Variants in CCDC138 observed in about 807,000 individuals in gnomAD.
CCDC138 encodes the protein coiled-coil domain containing 138, also known as coiled-coil domain-containing protein 138.
CCDC138 carries 66 observed loss-of-function variants against 82.3 expected under a neutral mutation model. That is an observed-to-expected ratio of 0.80 (90% CI 0.66 to 0.98). The LOEUF (loss-of-function observed/expected upper bound fraction) is 0.98. Among genes scored for constraint, CCDC138 ranks in the 50% least tolerant of loss-of-function variants. The pLI, the probability that CCDC138 is intolerant of heterozygous loss-of-function variation, is 0.00. For synonymous variants in CCDC138, 297 were observed against 265.4 expected, an observed-to-expected ratio of 1.12 and a Z score of -1.16; for missense variants, 816 against 758.9, an observed-to-expected ratio of 1.08 and a Z score of -0.88.
intron 10 of CCDC138, among the ~76,000 whole-genome samples, chr2:108,826,305 A>T (rs954768479): frequency 6.6e-6 from 1 of 152,090 alleles, no homozygotes; most frequent in Admixed American, 6.6e-5. Flanking sequence ...TATGTTTTGC[A>T]TCATGTTTAA....
chr2:108,818,240 G>A (rs573200085), intron 10 of CCDC138, among the ~76,000 whole-genome samples: 13 of 152,246 alleles, frequency 8.5e-5, no homozygotes, highest in Admixed American at 3.9e-4. Flanking sequence ...TGGGGGGGTC[G>A]AGGCTGCAGT....
intron 10 of CCDC138, among the ~76,000 whole-genome samples, chr2:108,831,402 C>G (rs1687587325): frequency 6.6e-6 from 1 of 152,004 alleles, no homozygotes; most frequent in Non-Finnish European, 1.5e-5. Context: ...TTGAAACATT[C>G]AAAAGATAAG....
intron 6 of CCDC138, 150 bp downstream of exon 6, chr2:108,798,736 C>G (rs914155674): frequency 3.4e-5 from 18 of 530,772 alleles, no homozygotes; most frequent in Non-Finnish European, 6.6e-6. Flanking sequence ...CACACACACA[C>G]ACACTTTTTC....
rs1684062873 is a variant in CCDC138, at chr2:108,812,635, A to G, written c.860A>G (p.Asn287Ser). 6.2e-7 allele frequency: 1 copy of G among 1,611,452 alleles called. No individual in the cohort carries two copies. Among genetic ancestry groups the G allele is most frequent in the Non-Finnish European group, 8.5e-7 (1 of 1,177,754 alleles). ...CTAACTTTTTCTACCCTTTAGTTAAATGAAGCAAGTGAAGAAAACAGGAAG... is the reference window on the plus strand; with the variant it reads ...CTAACTTTTTCTACCCTTTAGTTAAGTGAAGCAAGTGAAGAAAACAGGAAG... The part of the protein sequence containing the change: ...ELNDTLKKQL[N>S]EASEENRKID... The change falls in exon 8 of 15, where the codon AAT becomes AGT. Residue 287 changes from asparagine to serine, a missense_variant. Physicochemically the swap from Asn to Ser is conservative, Grantham distance 46. Coordinates refer to ENST00000295124, the MANE Select transcript of CCDC138 (RefSeq NM_144978.3).
At chr2:108,841,790 G>A (rs569464989) in intron 11 of CCDC138, among the ~76,000 whole-genome samples, 24 of 151,348 alleles carry the variant, frequency 1.6e-4, no homozygotes, top group Non-Finnish European at 3.5e-4. Flanking sequence ...ACTACTGGGT[G>A]GTTCTTTTTG....
At chr2:108,808,953 T>C (rs1257571480) in intron 7 of CCDC138, among the ~76,000 whole-genome samples, 1 of 152,228 alleles carries the variant, frequency 6.6e-6, no homozygotes, top group Non-Finnish European at 1.5e-5. Context: ...GTTTTGGGTC[T>C]TATATTTCAA....
chr2:108,793,962 A>G (rs977826026), intron 4 of CCDC138, among the ~76,000 whole-genome samples: 17 of 152,294 alleles, frequency 1.1e-4, no homozygotes, highest in African/African-American at 4.1e-4. Context: ...TAGCATCTGT[A>G]TAGCCAAATC....
At chr2:108,854,037 A>AATATATAATAAATTTATATTATATATT (rs1692178706) in intron 12 of CCDC138, among the ~76,000 whole-genome samples, 2 of 69,318 alleles carry the variant, frequency 2.9e-5, no homozygotes, top group African/African-American at 5.9e-5. Context: ...TATTATATAT[A>AATATATAATAAATTTATATTATATATT]ATATATAATA....
chr2:108,806,154 T>C (rs765621204), intron 7 of CCDC138, among the ~76,000 whole-genome samples: 3 of 152,204 alleles, frequency 2.0e-5, no homozygotes, highest in Admixed American at 6.5e-5. Context: ...CCTCATTTCA[T>C]TTATGGCTGT....
chr2:108,845,592 G>A (rs1425698874), intron 11 of CCDC138, among the ~76,000 whole-genome samples: 6 of 132,920 alleles, frequency 4.5e-5, no homozygotes, highest in South Asian at 4.6e-4. Context: ...TTTTTTTTGA[G>A]ATGGAGTCTC....
intron 1 of CCDC138, chr2:108,882,449 T>C (rs1696319123): frequency 6.6e-6 from 1 of 152,164 alleles, no homozygotes; most frequent in Non-Finnish European, 1.5e-5. Context: ...GTCAGATCCT[T>C]TTCTATGCTA....
chr2:108,816,850 T>G (rs577038164), intron 10 of CCDC138, among the ~76,000 whole-genome samples: 4 of 152,228 alleles, frequency 2.6e-5, no homozygotes, highest in Admixed American at 2.0e-4. Context: ...TACACCACCT[T>G]GCCAGCTAAT....
At chr2:108,793,265 G>A (rs1032444524) in intron 4 of CCDC138, among the ~76,000 whole-genome samples, 4 of 151,592 alleles carry the variant, frequency 2.6e-5, no homozygotes, top group Admixed American at 6.6e-5. Flanking sequence ...CTCGGGAGGC[G>A]GAGCTTACAG....
chr2:108,867,483 A>G (rs1694597055), intron 13 of CCDC138, among the ~76,000 whole-genome samples: 2 of 152,226 alleles, frequency 1.3e-5, no homozygotes, highest in Non-Finnish European at 2.9e-5. Flanking sequence ...AGTTACGAAT[A>G]TGGATTACCC....
intron 5 of CCDC138, among the ~76,000 whole-genome samples, chr2:108,795,630 A>G (rs1021799414): frequency 3.9e-5 from 6 of 152,246 alleles, no homozygotes; most frequent in African/African-American, 1.4e-4. Context: ...TGTAATTACC[A>G]TAGCATTTTA....
chr2:108,829,114 A>C (rs1687106377), intron 10 of CCDC138, among the ~76,000 whole-genome samples: 1 of 152,220 alleles, frequency 6.6e-6, no homozygotes, highest in African/African-American at 2.4e-5. Flanking sequence ...AGACATCAAA[A>C]GCACAAGCAA....
chr2:108,800,169 C>A (rs1438451326), intron 6 of CCDC138, among the ~76,000 whole-genome samples: 1 of 152,142 alleles, frequency 6.6e-6, no homozygotes, highest in African/African-American at 2.4e-5. Flanking sequence ...TCAAGACCTT[C>A]TGGTTAATGC....
At chr2:108,870,064 G>C (rs1161708690) in intron 13 of CCDC138, among the ~76,000 whole-genome samples, 17 of 152,128 alleles carry the variant, frequency 1.1e-4, no homozygotes, top group Admixed American at 1.1e-3. Context: ...AGTGATACAT[G>C]AGCAAAATTT....
intron 7 of CCDC138, 118 bp from the exon 8 acceptor site, chr2:108,812,513 C>A: frequency 1.4e-6 from 1 of 712,336 alleles, no homozygotes; most frequent in Non-Finnish European, 2.4e-6. Flanking sequence ...TGAATGCTGT[C>A]TCTGTTTTGT....
Sources: allele counts gnomAD v4.1 joint callset (sites outside exome capture counted in the v4.1 genomes callset), GRCh38; gene constraint gnomAD v4.1.1; transcripts MANE v1.5; gene names NCBI Gene and HGNC (gene_info 2026-07-23, HGNC 2026-07-21).